SERPINA12: variants seen among roughly 807,000 people sequenced by gnomAD.
SERPINA12 encodes the protein serpin family A member 12, also known as serpin A12.
Under a neutral mutation model 25.9 loss-of-function variants are expected in SERPINA12, and 21 were observed. The ratio of observed to expected loss-of-function variants is 0.81; its 90% CI spans 0.58 to 1.17. The LOEUF is 1.17. Ranked by LOEUF, SERPINA12 falls within the 50% of genes most tolerant of loss-of-function variation. The probability of loss-of-function intolerance (pLI) is 0.00; values close to 1 mark genes in which losing one functional copy is unlikely to be tolerated. For missense variants in SERPINA12, 562 were observed against 508.3 expected (o/e 1.11, Z -1.02); for synonymous variants, 220 against 196.0 (o/e 1.12, Z -1.02).
At chr14:94,495,064 CTTTT>C (rs71129685) in intron 3 of SERPINA12, among the ~76,000 whole-genome samples, 1 of 98,224 alleles carries the variant, frequency 1.0e-5, no homozygotes, top group Non-Finnish European at 2.1e-5. Context: ...ATTTCCCTTT[CTTTT>C]TTTTTTTTTT....
At chr14:94,509,279 A>AACACACACACACACAC (rs3065835) in intron 1 of SERPINA12, among the ~76,000 whole-genome samples, 63 bp downstream of exon 1, 112 of 134,722 alleles carry the variant, frequency 8.3e-4, no homozygotes, top group South Asian at 2.9e-3. Flanking sequence ...AGAAACAGAC[A>AACACACACACACACAC]ACACACACAC....
intron 3 of SERPINA12, 22 bp downstream of exon 3, chr14:94,496,351 G>C (rs756415606): frequency 1.2e-6 from 2 of 1,613,646 alleles, no homozygotes; most frequent in Non-Finnish European, 1.7e-6. Flanking sequence ...AAAAAGCTGC[G>C]AGGGCTAGGC....
Position 94,498,104 on chromosome 14 carries a change from G to T in SERPINA12, c.294C>A (p.Ile98=), listed in dbSNP as rs755761050. The part of the protein sequence containing the change: ...LGAQDSTLDE[I]KQGFNFRKMP... ...TCTTTCTGAAGTTGAACCCCTGCTT[G>T]ATCTCGTCCAGGGTGCTGTCCTGGG... Residue 98 remains isoleucine, a synonymous_variant, in exon 2 of 5, where the codon ATC becomes ATA. Coordinates refer to ENST00000677451, the MANE Select transcript of SERPINA12 (RefSeq NM_001382267.1). 6.2e-7 allele frequency: 1 copy of T among 1,614,138 alleles called. No individual in the cohort carries two copies. Among genetic ancestry groups the T allele is most frequent in the Non-Finnish European group, 8.5e-7 (1 of 1,180,038 alleles).
intron 3 of SERPINA12, among the ~76,000 whole-genome samples, chr14:94,495,546 A>G (rs528092080): frequency 5.9e-5 from 9 of 152,352 alleles, no homozygotes; most frequent in African/African-American, 2.2e-4. Context: ...GGTGCCTGAC[A>G]GGACGTTAGG....
chr14:94,499,640 G>T (rs993165073), intron 1 of SERPINA12, among the ~76,000 whole-genome samples: 12 of 152,178 alleles, frequency 7.9e-5, no homozygotes, highest in Non-Finnish European at 1.3e-4. Context: ...CACAGTAAAG[G>T]TTTTTCATGG....
At chr14:94,500,658 C>T (rs1246119697) in intron 1 of SERPINA12, among the ~76,000 whole-genome samples, 2 of 152,116 alleles carry the variant, frequency 1.3e-5, no homozygotes, top group African/African-American at 2.4e-5. Context: ...GAAGGCACGG[C>T]AGGCAGGGAC....
At chr14:94,513,646 C>T (rs1183262768), upstream of SERPINA12, among the ~76,000 whole-genome samples, 1 of 152,200 alleles carries the variant, frequency 6.6e-6, no homozygotes, top group East Asian at 1.9e-4. Flanking sequence ...GCACAGGCTG[C>T]TCTGTGACTT....
At position 94,487,394 on chromosome 14, in the gene SERPINA12, T is replaced by G; in HGVS notation, c.1154A>C (p.Lys385Thr). Residue 385 changes from lysine (K) to threonine (T), a missense_variant, in exon 5 of 5, where the codon AAG becomes ACG. By Grantham distance (78) the Lys-to-Thr change is moderately conservative. Coordinates refer to ENST00000677451, the MANE Select transcript of SERPINA12 (RefSeq NM_001382267.1). ...TLPMETPLVVKIDKPYLLLIY... is the reference protein window; with the variant it reads ...TLPMETPLVVTIDKPYLLLIY... ...CAGCAGCAGATAGGGTTTGTCTATCTTGACGACGAGTGGTGTCTCCATGGG... is the reference window on the plus strand; with the variant it reads ...CAGCAGCAGATAGGGTTTGTCTATCGTGACGACGAGTGGTGTCTCCATGGG... 1 of 1,614,198 alleles carries G rather than the reference T, an allele frequency of 6.2e-7. No homozygotes were observed. Among genetic ancestry groups the G allele is most frequent in the Non-Finnish European group, 8.5e-7 (1 of 1,180,022 alleles).
At chr14:94,490,330 G>A (rs2139845204) in intron 3 of SERPINA12, among the ~76,000 whole-genome samples, 1 of 152,182 alleles carries the variant, frequency 6.6e-6, no homozygotes, top group East Asian at 1.9e-4. Context: ...CGTAGCAGGT[G>A]CCCATCCTCC....
Position 94,492,667 on chromosome 14 carries a change from G to A in SERPINA12, c.906-2900C>T, listed in dbSNP as rs559354246. ...GGCCGTAGGTCCAGTGCGTAAATGAGGAGATCGGCTTTAGTTTGTGCCAAC... is the reference window on the plus strand; with the variant it reads ...GGCCGTAGGTCCAGTGCGTAAATGAAGAGATCGGCTTTAGTTTGTGCCAAC... On this transcript the variant is annotated intron_variant, in intron 3 of 4. Transcript: ENST00000677451. 2.6e-5 allele frequency among the ~76,000 whole-genome samples: 4 copies of A among 152,358 alleles called. No homozygotes were observed. In the East Asian group the frequency reaches 7.7e-4, roughly 29 times the overall value.
rs1901048039 is a variant in SERPINA12 at position 94,509,453 on chromosome 14, G to A, written c.-145C>T. Among the ~76,000 whole-genome samples, 2 of 152,094 alleles carry A rather than the reference G, an allele frequency of 1.3e-5. No homozygotes were observed. The highest frequency in any genetic ancestry group is 2.9e-5 in the Non-Finnish European group (2 of 68,034). On this transcript the variant is annotated 5_prime_UTR_variant, in exon 1 of 5. Transcript: ENST00000677451. ...TTCGGTCCTGGTCCTGCAGCCTTCA[G>A]GTTCCAGGTATGTTCCTCTAGGCTC...
Position 94,496,609 on chromosome 14 carries a change from A to G in SERPINA12, c.669T>C (p.Thr223=), listed in dbSNP as rs1437368675. ...TCTCCAGAAAGAAATCTTCCTCTTTAGTTACATTTGGATCAAACTCATGTT... is the reference window on the plus strand; with the variant it reads ...TCTCCAGAAAGAAATCTTCCTCTTTGGTTACATTTGGATCAAACTCATGTT... ...RWKHEFDPNV[T]KEEDFFLEKN... Residue 223 remains threonine, a synonymous_variant, in exon 3 of 5, where the codon ACT becomes ACC. Coordinates refer to ENST00000677451, the MANE Select transcript of SERPINA12 (RefSeq NM_001382267.1). The G allele has an allele frequency of 1.2e-6, 2 of 1,614,028 alleles. No homozygotes were observed. The highest frequency in any genetic ancestry group is 3.3e-5 in the Admixed American group (2 of 60,022).
chr14:94,508,771 C>T (rs941206841), intron 1 of SERPINA12, among the ~76,000 whole-genome samples: 3 of 152,080 alleles, frequency 2.0e-5, no homozygotes, highest in Non-Finnish European at 2.9e-5. Context: ...CAATAAGTAA[C>T]CACATGTGTT....
At position 94,496,413 on chromosome 14, in the gene SERPINA12, C is replaced by T. The variant is rs868385827; in HGVS notation, c.865G>A (p.Val289Met). ...GTTTTCCATCTGGAGAAAGTGTCCA[C>T]CTGCAATCCCTTCTCCAAGTGCTTC... is the stretch of plus-strand genomic sequence containing the variant. Reference protein sequence around the residue: ...KLKHLEKGLQVDTFSRWKTLL... With the variant: ...KLKHLEKGLQMDTFSRWKTLL... The change falls in exon 3 of 5, where the codon GTG becomes ATG. Residue 289 changes from valine to methionine, a missense_variant. By Grantham distance (21) the Val-to-Met change is conservative. Coordinates refer to ENST00000677451, the MANE Select transcript of SERPINA12 (RefSeq NM_001382267.1). 6.2e-7 allele frequency: 1 copy of T among 1,614,140 alleles called. No individual in the cohort carries two copies.
chr14:94,492,120 G>C (rs572321090), intron 3 of SERPINA12, among the ~76,000 whole-genome samples: 1 of 152,236 alleles, frequency 6.6e-6, no homozygotes, highest in South Asian at 2.1e-4. Flanking sequence ...TAAGGAGGTG[G>C]GGACAGAAAC....
chr14:94,516,821 A>G (rs1187957074), intron 1 of SERPINA12, among the ~76,000 whole-genome samples: 1 of 152,214 alleles, frequency 6.6e-6, no homozygotes, highest in East Asian at 1.9e-4. Context: ...TGTTTGGGTC[A>G]AACACTTCTG....
chr14:94,498,774 A>G (rs1174063337), intron 1 of SERPINA12, among the ~76,000 whole-genome samples: 1 of 152,200 alleles, frequency 6.6e-6, no homozygotes, highest in Non-Finnish European at 1.5e-5. Flanking sequence ...ACCTACCATC[A>G]TAATACTTCA....
At chr14:94,506,359 A>G (rs1289890381) in intron 1 of SERPINA12, among the ~76,000 whole-genome samples, 3 of 152,142 alleles carry the variant, frequency 2.0e-5, no homozygotes, top group Non-Finnish European at 4.4e-5. Flanking sequence ...GGAACACAGA[A>G]CACAGAGATA....
chr14:94,516,925 A>G (rs1457323030), intron 1 of SERPINA12, among the ~76,000 whole-genome samples: 2 of 150,516 alleles, frequency 1.3e-5, no homozygotes, highest in African/African-American at 5.0e-5. Flanking sequence ...GGCAGGAAGG[A>G]AAAACTGCAT....
Sources: gnomAD v4.1 joint callset for allele counts (sites outside exome capture counted in the v4.1 genomes callset) on GRCh38, gnomAD v4.1.1 for gene constraint, MANE v1.5 for transcripts, NCBI Gene and HGNC (gene_info 2026-07-23, HGNC 2026-07-21) for gene names.